Variants in OSTM1 observed in about 807,000 individuals in gnomAD.
The protein encoded by OSTM1 is osteoclastogenesis associated transmembrane protein 1.
Under a neutral mutation model 35.4 loss-of-function variants are expected in OSTM1, and 26 were observed. The observed-to-expected ratio is 0.73, with a 90% CI of 0.54 to 1.02. The LOEUF is 1.02. Among genes scored for constraint, OSTM1 ranks in the 50% least tolerant of loss-of-function variants. The pLI is 0.00. For synonymous variants in OSTM1, 181 were observed against 165.0 expected (o/e 1.10, Z -0.75); for missense variants, 366 against 409.6 (o/e 0.89, Z 0.92).
At chr6:108,069,423 A>G (rs1468980706) in intron 1 of OSTM1, among the ~76,000 whole-genome samples, 1 of 152,232 alleles carries the variant, frequency 6.6e-6, no homozygotes, top group Non-Finnish European at 1.5e-5. Context: ...TATATTGAAT[A>G]CTCACCAAAT....
chr6:108,062,494 A>C (rs954948693), intron 2 of OSTM1, among the ~76,000 whole-genome samples: 2 of 151,620 alleles, frequency 1.3e-5, no homozygotes, highest in Admixed American at 1.3e-4. Flanking sequence ...ATAGAATACT[A>C]TATAATCATA....
In OSTM1 at chr6:108,068,100, C is replaced by G. The variant is rs111595130; in HGVS notation, c.403-3801G>C. On this transcript the variant is annotated intron_variant, in intron 1 of 5. Transcript: ENST00000193322. ...ACAGATATATCTCCAATTCTCTCAG[C>G]AGGATTTGACACAAATAACCACCCC... 3.1e-3 allele frequency among the ~76,000 whole-genome samples: 469 copies of G among 152,276 alleles called. 3 individuals carry two copies. Among genetic ancestry groups the G allele is most frequent in the African/African-American group, 0.011 (453 of 41,552 alleles).
chr6:108,068,780 T>C (rs1772427030), intron 1 of OSTM1, among the ~76,000 whole-genome samples: 1 of 152,108 alleles, frequency 6.6e-6, no homozygotes, highest in Non-Finnish European at 1.5e-5. Context: ...ACAAATCTGA[T>C]TATGTCATTC....
intron 5 of OSTM1, among the ~76,000 whole-genome samples, chr6:108,045,523 T>C (rs1771952230): frequency 6.6e-6 from 1 of 151,824 alleles, no homozygotes; most frequent in African/African-American, 2.4e-5. Context: ...AAAAACATTT[T>C]AATGACCCTC....
intron 1 of OSTM1, among the ~76,000 whole-genome samples, chr6:108,066,348 C>T (rs571126202): frequency 6.0e-5 from 9 of 151,118 alleles, no homozygotes; most frequent in South Asian, 2.1e-4. Flanking sequence ...GAGGTACTTA[C>T]TACTTACCAG....
chr6:108,063,648 AAAG>A (rs1390451091), intron 2 of OSTM1, among the ~76,000 whole-genome samples: 2 of 152,194 alleles, frequency 1.3e-5, no homozygotes, highest in Non-Finnish European at 2.9e-5. Context: ...ACAAACCTGC[AAAG>A]AAGGTAGAAC....
At chr6:108,071,756 G>T (rs780867382) in intron 1 of OSTM1, among the ~76,000 whole-genome samples, 9 of 152,088 alleles carry the variant, frequency 5.9e-5, no homozygotes, top group Non-Finnish European at 1.0e-4. Flanking sequence ...AATAAGGCGA[G>T]CCGAGACCAA....
Position 108,044,546 on chromosome 6 carries a change from G to A in OSTM1, c.*239C>T. On this transcript the variant is annotated 3_prime_UTR_variant, in exon 6 of 6. Transcript: ENST00000193322. ...TTGTTCTTGCATGTTCTGTTATTGT[G>A]ACAAATACACATTAAAATAGATAAC... The A allele has an allele frequency of 2.7e-6, 1 of 365,012 alleles. No homozygotes were observed. Among genetic ancestry groups the A allele is most frequent in the Middle Eastern group, 8.3e-4 (1 of 1,198 alleles). The allele number at this position is 365,012 out of a possible 1,614,324, so 22.6% of individuals were successfully genotyped here. A position where few individuals can be genotyped will look rare whatever the true frequency, so the allele number is the denominator to read the frequency against.
At chr6:108,045,610 G>GA (rs1365680129) in intron 5 of OSTM1, among the ~76,000 whole-genome samples, 1 of 151,884 alleles carries the variant, frequency 6.6e-6, no homozygotes, top group African/African-American at 2.4e-5. Context: ...AAAGAAAAGT[G>GA]AGTTTTATGT....
In OSTM1 at chr6:108,067,974, C is replaced by T. The variant is rs1017220155; in HGVS notation, c.403-3675G>A. On this transcript the variant is annotated intron_variant, in intron 1 of 5. Coordinates refer to ENST00000193322, the MANE Select transcript of OSTM1 (RefSeq NM_014028.4). ...TGTCTAGGTTCACTCTTCCCATGTC[C>T]TCATCTTCCAATCCCTGTTCAACCC... Among the ~76,000 whole-genome samples the T allele has an allele frequency of 7.2e-5, 11 of 152,066 alleles. 1 individual carries two copies.
intron 3 of OSTM1, 67 bp downstream of exon 3, chr6:108,054,420 AAAC>A: frequency 2.9e-6 from 2 of 700,998 alleles, no homozygotes; most frequent in Non-Finnish European, 4.8e-6. Flanking sequence ...AGTGCTCTAA[AAAC>A]TTGGAACTGC....
chr6:108,067,374 T>G (rs985824097), intron 1 of OSTM1, among the ~76,000 whole-genome samples: 13 of 152,186 alleles, frequency 8.5e-5, no homozygotes, highest in African/African-American at 3.1e-4. Context: ...CTGCCTTTTC[T>G]GGAAACTGAC....
rs772836505 is a variant in OSTM1, at chr6:108,074,459, C to T, written c.193G>A (p.Gly65Ser). The T allele has an allele frequency of 2.6e-6, 4 of 1,557,236 alleles. No individual in the cohort carries two copies. The highest frequency in any genetic ancestry group is 2.7e-5 in the African/African-American group (2 of 73,466). ...AGCGACAGAGGCCCCAGCCCTCCAC[C>T]CTGCAGGAGGGACAGGGACAAGTCC... is the stretch of plus-strand genomic sequence containing the variant. ...VEDLSLSLLQ[G>S]GGLGPLSLPP... The change falls in exon 1 of 6, where the codon GGT (glycine) becomes AGT (serine). Residue 65 changes from glycine (G) to serine (S), a missense_variant. This residue lies in a region of OSTM1 where 236 missense variants were observed against 239.3 expected (regional missense o/e 0.99). Transcript: ENST00000193322.
At chr6:108,064,411 T>C (rs1772341780) in intron 1 of OSTM1, 112 bp from the exon 2 acceptor site, 1 of 700,954 alleles carries the variant, frequency 1.4e-6, no homozygotes, top group East Asian at 2.7e-5. Flanking sequence ...TTTAACATTT[T>C]GTTTGATATG....
chr6:108,041,608 T>C lies in OSTM1; in HGVS notation c.*3177A>G, dbSNP rs532767983. ...CTTTTTAAAATAACCAATACTATCATTTTATGAAATCTTTACAAGATAAGC... is the reference window on the plus strand; with the variant it reads ...CTTTTTAAAATAACCAATACTATCACTTTATGAAATCTTTACAAGATAAGC... On this transcript the variant is annotated 3_prime_UTR_variant, in exon 6 of 6. Coordinates refer to ENST00000193322, the MANE Select transcript of OSTM1 (RefSeq NM_014028.4). 3 of 152,344 alleles carry C rather than the reference T, an allele frequency of 2.0e-5. No homozygotes were observed. The East Asian group carries it at 5.8e-4, about 29-fold the overall frequency. 9.4% of individuals were successfully genotyped at this position (152,344 alleles called of 1,614,324 possible). A position where few individuals can be genotyped will look rare whatever the true frequency, so the allele number is the denominator to read the frequency against.
chr6:108,044,693 C>T lies in OSTM1; in HGVS notation c.*92G>A. 1.3e-6 allele frequency: 1 copy of T among 752,906 alleles called. No individual in the cohort carries two copies. The highest frequency in any genetic ancestry group is 2.4e-6 in the Non-Finnish European group (1 of 423,394). The allele number at this position is 752,906 out of a possible 1,614,324, so 46.6% of individuals were successfully genotyped here. ...GTCCTTGTATTTCTTAAGAGCTTGACTTGTCAAATCACAGTTTATCTTCTT... is the reference window on the plus strand; with the variant it reads ...GTCCTTGTATTTCTTAAGAGCTTGATTTGTCAAATCACAGTTTATCTTCTT... On this transcript the variant is annotated 3_prime_UTR_variant, in exon 6 of 6. Coordinates refer to ENST00000193322, the MANE Select transcript of OSTM1 (RefSeq NM_014028.4).
At chr6:108,059,693 G>A (rs1772238773) in intron 2 of OSTM1, among the ~76,000 whole-genome samples, 1 of 151,738 alleles carries the variant, frequency 6.6e-6, no homozygotes, top group Non-Finnish European at 1.5e-5. Context: ...CCCTGTTATG[G>A]TCTGAATGTG....
At position 108,051,016 on chromosome 6, in the gene OSTM1, A is replaced by G; in HGVS notation, c.783+15T>C. 6.3e-7 allele frequency: 1 copy of G among 1,599,306 alleles called. No homozygotes were observed. On this transcript the variant is annotated intron_variant, in intron 4 of 5. Transcript: ENST00000193322. ...CACTCTAAAATATGTATCACATCAGAAGCAAAGTACTTACTGCATCTTCCA... is the reference window on the plus strand; with the variant it reads ...CACTCTAAAATATGTATCACATCAGGAGCAAAGTACTTACTGCATCTTCCA...
At chr6:108,051,398 T>C (rs1772071255) in intron 3 of OSTM1, among the ~76,000 whole-genome samples, 200 bp from the exon 4 acceptor site, 1 of 152,178 alleles carries the variant, frequency 6.6e-6, no homozygotes, top group Non-Finnish European at 1.5e-5. Context: ...ACCTGTATTA[T>C]AAGTCCGAAG....
Sources: allele counts gnomAD v4.1 joint callset (sites outside exome capture counted in the v4.1 genomes callset), GRCh38; gene constraint gnomAD v4.1.1; regional missense constraint gnomAD v4.1.1; transcripts MANE v1.5; gene names NCBI Gene and HGNC (gene_info 2026-07-23, HGNC 2026-07-21).